The following PPFIBP2 variants were observed in gnomAD, a reference collection of about 807,000 sequenced individuals.
PPFIBP2 encodes the protein PPFIB scaffold protein 2.
PPFIBP2 carries 118 observed loss-of-function variants against 118.3 expected under a neutral mutation model. The ratio of observed to expected loss-of-function variants is 1.00; its 90% CI spans 0.86 to 1.16. The LOEUF (loss-of-function observed/expected upper bound fraction) is 1.16, where lower values mean the gene tolerates loss of function less well. Among genes scored for constraint, PPFIBP2 ranks in the 50% most tolerant of loss-of-function variants. The pLI, the probability that PPFIBP2 is intolerant of heterozygous loss-of-function variation, is 0.00. For synonymous variants in PPFIBP2, 414 were observed against 397.4 expected, an observed-to-expected ratio of 1.04 and a Z score of -0.50; for missense variants, 1,195 against 1,073.1, an observed-to-expected ratio of 1.11 and a Z score of -1.59.
intron 5 of PPFIBP2, among the ~76,000 whole-genome samples, chr11:7,608,625 A>G (rs1400721526): frequency 6.6e-6 from 1 of 152,092 alleles, no homozygotes; most frequent in East Asian, 1.9e-4. Flanking sequence ...GGGCAAAAAG[A>G]GCGAAACGCT....
chr11:7,621,084 T>C, intron 7 of PPFIBP2, 57 bp downstream of exon 7: 11 of 1,385,698 alleles, frequency 7.9e-6, no homozygotes, highest in Non-Finnish European at 1.1e-5. Flanking sequence ...GGGGAGGGTC[T>C]GCATTCCAAC....
chr11:7,518,876 G>C (rs1032517352), intron 1 of PPFIBP2, among the ~76,000 whole-genome samples: 1 of 152,222 alleles, frequency 6.6e-6, no homozygotes, highest in East Asian at 1.9e-4. Flanking sequence ...GAGCGAGTAT[G>C]GGCGGGAGAG....
At chr11:7,635,186 G>A (rs888628839) in intron 13 of PPFIBP2, among the ~76,000 whole-genome samples, 34 of 152,180 alleles carry the variant, frequency 2.2e-4, no homozygotes, top group African/African-American at 8.0e-4. Context: ...AGACCCTTCA[G>A]TGAGCCTGTG....
intron 7 of PPFIBP2, among the ~76,000 whole-genome samples, chr11:7,621,610 T>C (rs1353189328): frequency 1.3e-5 from 2 of 152,218 alleles, no homozygotes; most frequent in African/African-American, 4.8e-5. Context: ...TTTCCTATAC[T>C]AAAGTGCAGA....
At chr11:7,631,254 G>C (rs1850725092) in intron 11 of PPFIBP2, 1 of 482,966 alleles carries the variant, frequency 2.1e-6, no homozygotes, top group African/African-American at 1.9e-5. Context: ...AACTTTCAAG[G>C]ATAGGAGTTC....
chr11:7,656,780 C>A, downstream of PPFIBP2: 2 of 1,289,884 alleles, frequency 1.6e-6, no homozygotes, highest in Non-Finnish European at 2.0e-6. Flanking sequence ...CTGCCCCCAA[C>A]TCTGATGACT....
At position 7,591,682 on chromosome 11, in the gene PPFIBP2, C is replaced by T. The variant is rs1428742887; in HGVS notation, c.280-1450C>T. On this transcript the variant is annotated intron_variant, in intron 3 of 23. Transcript: ENST00000299492. ...GACATAGGCTCCAGAGGGGCTGGAG[C>T]AGAAGACAGTGGTGTGGCAGCAGGT... Among the ~76,000 whole-genome samples the T allele has an allele frequency of 2.6e-5, 4 of 152,140 alleles. No individual in the cohort carries two copies. In the East Asian group the frequency reaches 7.7e-4, roughly 29 times the overall value.
chr11:7,649,630 C>A lies in PPFIBP2; in HGVS notation c.2097C>A (p.Cys699Ter). The change falls in exon 21 of 24, where the codon TGC becomes TGA. Residue 699 changes from cysteine (C) to a stop codon, truncating the protein, a stop_gained. Transcript: ENST00000299492. LOFTEE classifies it high-confidence loss of function. ...VLHVNKFNPH[C>*]LHRRPADESN... ...ATGTCAACAAGTTCAACCCCCACTG[C>A]CTGCACCGGCGGCCAGCTGATGAGG... The A allele has an allele frequency of 6.2e-7, 1 of 1,614,262 alleles. No individual in the cohort carries two copies. Among genetic ancestry groups the A allele is most frequent in the Non-Finnish European group, 8.5e-7 (1 of 1,180,050 alleles).
Position 7,565,771 on chromosome 11 carries a change from A to C in PPFIBP2, c.279+4A>C, listed in dbSNP as rs1032723529. On this transcript the variant is annotated splice_donor_region_variant and intron_variant, in intron 3 of 23. Transcript: ENST00000299492. Reference sequence around the variant, plus strand: ...GGAATGGTTTGAAGAGAGCTTGGTGAGTAGTCCCGTGGCCTGATTGGGAAC... The same window carrying C: ...GGAATGGTTTGAAGAGAGCTTGGTGCGTAGTCCCGTGGCCTGATTGGGAAC... The C allele has an allele frequency of 1.2e-6, 2 of 1,613,674 alleles. No homozygotes were observed. The highest frequency in any genetic ancestry group is 2.7e-5 in the African/African-American group (2 of 74,916).
chr11:7,666,586 G>C, the PPFIBP2 span: 1 of 1,500,894 alleles, frequency 6.7e-7, no homozygotes, highest in Non-Finnish European at 9.3e-7. Flanking sequence ...GCCCCTCCAG[G>C]GCCATCCTCT....
At chr11:7,608,185 TTGAG>T (rs1316440860) in intron 5 of PPFIBP2, among the ~76,000 whole-genome samples, 4 of 152,340 alleles carry the variant, frequency 2.6e-5, no homozygotes, top group African/African-American at 7.2e-5. Flanking sequence ...TCTTGGCAAT[TTGAG>T]TGGGCATTTC....
chr11:7,556,328 A>G (rs899744246), intron 2 of PPFIBP2, among the ~76,000 whole-genome samples: 18 of 152,170 alleles, frequency 1.2e-4, no homozygotes, highest in South Asian at 8.3e-4. Context: ...GGTGGCGGGC[A>G]CTTGTAGTCC....
intron 9 of PPFIBP2, 93 bp downstream of exon 9, chr11:7,628,439 A>G (rs1850311076): frequency 3.5e-6 from 4 of 1,141,776 alleles, no homozygotes; most frequent in Non-Finnish European, 5.1e-6. Flanking sequence ...GGACAGGACC[A>G]TGCTTATCAT....
rs1850469596 is a variant in PPFIBP2 at position 7,629,472 on chromosome 11, A to G, written c.902A>G (p.Glu301Gly). The G allele has an allele frequency of 6.2e-7, 1 of 1,613,996 alleles. No homozygotes were observed. The stretch of plus-strand genomic sequence containing the variant: ...GCACTATGGCAGGACCGTCGGATAG[A>G]GGAGCTTACGGGGCTGTTAAACCAG... ...LANEDKDRRI[E>G]ELTGLLNQYR... The change falls in exon 10 of 24, where the codon GAG (glutamate) becomes GGG (glycine). Residue 301 changes from glutamate (E) to glycine (G), a missense_variant. By Grantham distance (98) the Glu-to-Gly change is moderately conservative. Coordinates refer to ENST00000299492, the MANE Select transcript of PPFIBP2 (RefSeq NM_003621.5).
At chr11:7,528,756 C>T (rs954708969) in intron 1 of PPFIBP2, among the ~76,000 whole-genome samples, 8 of 152,182 alleles carry the variant, frequency 5.3e-5, no homozygotes, top group African/African-American at 1.9e-4. Context: ...GAAAGGACAA[C>T]ATTGTTTTCA....
At chr11:7,624,527 C>G (rs1054279984) in intron 7 of PPFIBP2, among the ~76,000 whole-genome samples, 1 of 152,162 alleles carries the variant, frequency 6.6e-6, no homozygotes, top group Non-Finnish European at 1.5e-5. Flanking sequence ...TGGAATTGAA[C>G]AGCCCATACT....
rs1470272540 is a variant in PPFIBP2 at position 7,621,046 on chromosome 11, G to A, written c.711+19G>A. ...CACTAAGGTAAACGGCACTCCTGATGCTTATGGAGAGAGTATGAGGGCCTT... is the reference window on the plus strand; with the variant it reads ...CACTAAGGTAAACGGCACTCCTGATACTTATGGAGAGAGTATGAGGGCCTT... On this transcript the variant is annotated intron_variant, in intron 7 of 23. Transcript: ENST00000299492. 2 of 1,558,538 alleles carry A rather than the reference G, an allele frequency of 1.3e-6. No individual in the cohort carries two copies. The highest frequency in any genetic ancestry group is 1.4e-5 in the African/African-American group (1 of 73,662).
intron 5 of PPFIBP2, among the ~76,000 whole-genome samples, chr11:7,609,718 A>G (rs112483315): frequency 6.6e-6 from 1 of 152,178 alleles, no homozygotes; most frequent in Non-Finnish European, 1.5e-5. Context: ...GCCAGATTGT[A>G]ATTTTGGAAC....
chr11:7,547,489 T>C (rs891627689), intron 1 of PPFIBP2, among the ~76,000 whole-genome samples: 2 of 152,182 alleles, frequency 1.3e-5, no homozygotes, highest in African/African-American at 2.4e-5. Context: ...AAACTTTTAA[T>C]ATCCCTTATG....
Sources: allele counts gnomAD v4.1 joint callset (sites outside exome capture counted in the v4.1 genomes callset), GRCh38; gene constraint gnomAD v4.1.1; transcripts MANE v1.5; gene names NCBI Gene and HGNC (gene_info 2026-07-23, HGNC 2026-07-21).